Variants in MAPK4 observed in about 807,000 individuals in gnomAD.
MAPK4 encodes mitogen-activated protein kinase 4.
MAPK4 carries 22 observed loss-of-function variants against 47.7 expected under a neutral mutation model. The observed-to-expected ratio is 0.46, with a 90% CI of 0.33 to 0.66. The LOEUF (loss-of-function observed/expected upper bound fraction) is 0.66, where lower values mean the gene tolerates loss of function less well. Among genes scored for constraint, MAPK4 ranks in the 30% least tolerant of loss-of-function variants. MAPK4 has a pLI of 0.02. For missense variants in MAPK4, 736 were observed against 831.7 expected, an observed-to-expected ratio of 0.88 and a Z score of 1.42; for synonymous variants, 390 against 365.7, an observed-to-expected ratio of 1.07 and a Z score of -0.76.
intron 2 of MAPK4, among the ~76,000 whole-genome samples, chr18:50,680,687 G>A (rs971692905): frequency 6.6e-6 from 1 of 152,076 alleles, no homozygotes; most frequent in Non-Finnish European, 1.5e-5. Flanking sequence ...CACAACATGT[G>A]GTCCTTTGTG....
intron 1 of MAPK4, among the ~76,000 whole-genome samples, chr18:50,644,958 G>T (rs2042974578): frequency 6.6e-6 from 1 of 152,188 alleles, no homozygotes. Context: ...ATTCTAAGGG[G>T]ACACTGCTCA....
intron 1 of MAPK4, among the ~76,000 whole-genome samples, chr18:50,655,777 C>G (rs2043103500): frequency 6.6e-6 from 1 of 152,164 alleles, no homozygotes; most frequent in Non-Finnish European, 1.5e-5. Context: ...TGAACCCCTG[C>G]TTTTAGCCCC....
chr18:50,672,500 G>A (rs576098029), intron 2 of MAPK4, among the ~76,000 whole-genome samples: 208 of 152,220 alleles, frequency 1.4e-3, no homozygotes, highest in Middle Eastern at 6.8e-3. Context: ...TTGTGTTGGC[G>A]TTCAGTGCCT....
chr18:50,603,711 A>G (rs750667862), intron 1 of MAPK4, among the ~76,000 whole-genome samples: 1 of 152,198 alleles, frequency 6.6e-6, no homozygotes, highest in Non-Finnish European at 1.5e-5. Context: ...AGCACTTGTT[A>G]AGTATTCATT....
intron 5 of MAPK4, among the ~76,000 whole-genome samples, chr18:50,727,638 G>A (rs1353014333): frequency 3.3e-5 from 5 of 152,048 alleles, no homozygotes; most frequent in Non-Finnish European, 7.4e-5. Flanking sequence ...TACTTTCTGC[G>A]ACTGTGGCAT....
At chr18:50,701,894 G>A (rs1267111502) in intron 2 of MAPK4, among the ~76,000 whole-genome samples, 2 of 152,100 alleles carry the variant, frequency 1.3e-5, no homozygotes, top group Non-Finnish European at 2.9e-5. Context: ...GGTGGCTCAT[G>A]CCTGTAATCC....
chr18:50,572,849 C>T (rs1049678205), intron 1 of MAPK4, among the ~76,000 whole-genome samples: 4 of 152,120 alleles, frequency 2.6e-5, no homozygotes, highest in Admixed American at 6.5e-5. Context: ...ATAATAATCA[C>T]ATTATTATTT....
intron 5 of MAPK4, among the ~76,000 whole-genome samples, chr18:50,726,691 A>C (rs1345793758): frequency 2.0e-5 from 3 of 152,072 alleles, no homozygotes; most frequent in Admixed American, 2.0e-4. Context: ...TGAGGCCAGG[A>C]GTTCCAGACC....
At chr18:50,620,652 C>A (rs2042723554) in intron 1 of MAPK4, among the ~76,000 whole-genome samples, 1 of 152,084 alleles carries the variant, frequency 6.6e-6, no homozygotes, top group Middle Eastern at 3.2e-3. Flanking sequence ...TGCCTATAAT[C>A]CTAACACTTT....
rs534861835 is a variant in MAPK4 at position 50,655,725 on chromosome 18, T to C, written c.-870-7364T>C. ...GTTCTTAACTCGGTGAGGAAACACC[T>C]CTGGTCATTATGCTTTTGGGGGCCT... is the stretch of plus-strand genomic sequence containing the variant. On this transcript the variant is annotated intron_variant, in intron 1 of 5. Transcript: ENST00000400384. Among the ~76,000 whole-genome samples, 624 of 152,266 alleles carry C rather than the reference T, an allele frequency of 4.1e-3. 1 individual carries two copies. Among genetic ancestry groups the C allele is most frequent in the African/African-American group, 0.014 (568 of 41,548 alleles).
intron 1 of MAPK4, among the ~76,000 whole-genome samples, chr18:50,617,927 GTTC>G (rs1007228485): frequency 2.0e-5 from 3 of 152,204 alleles, no homozygotes; most frequent in Admixed American, 6.5e-5. Context: ...CAAATGGTCA[GTTC>G]TTCTTCTTGA....
intron 2 of MAPK4, among the ~76,000 whole-genome samples, chr18:50,707,034 A>G (rs555989637): frequency 6.6e-6 from 1 of 152,364 alleles, no homozygotes; most frequent in East Asian, 1.9e-4. Flanking sequence ...CTTTTTAAAA[A>G]GAAGCCCAAC....
intron 5 of MAPK4, among the ~76,000 whole-genome samples, chr18:50,728,611 A>G (rs138125583): frequency 1.8e-4 from 27 of 152,268 alleles, no homozygotes; most frequent in Admixed American, 3.3e-4. Context: ...TAATTCCCCT[A>G]TGTGACTCTA....
chr18:50,632,756 A>C (rs1423215153), intron 1 of MAPK4, among the ~76,000 whole-genome samples: 1 of 151,714 alleles, frequency 6.6e-6, no homozygotes, highest in Non-Finnish European at 1.5e-5. Flanking sequence ...AGTAGCTGAG[A>C]ATATAGGCAT....
chr18:50,593,189 A>AT (rs980007685), intron 1 of MAPK4, among the ~76,000 whole-genome samples: 6 of 152,080 alleles, frequency 3.9e-5, no homozygotes, highest in Admixed American at 3.9e-4. Context: ...AGTAATTAAG[A>AT]TTTTTTTCCT....
chr18:50,687,756 C>G (rs1908965868), intron 2 of MAPK4, among the ~76,000 whole-genome samples: 1 of 152,158 alleles, frequency 6.6e-6, no homozygotes. Flanking sequence ...AAGCAAAACC[C>G]CCACAGAAAT....
intron 1 of MAPK4, among the ~76,000 whole-genome samples, chr18:50,564,261 TA>T (rs2042179271): frequency 1.3e-5 from 2 of 152,220 alleles, no homozygotes; most frequent in East Asian, 1.9e-4. Flanking sequence ...ATGTGCCCAT[TA>T]TTTTAAGGCA....
rs80102235 is a variant in MAPK4, at chr18:50,679,869, C to G, written c.546+15365C>G. On this transcript the variant is annotated intron_variant, in intron 2 of 5. Coordinates refer to ENST00000400384, the MANE Select transcript of MAPK4 (RefSeq NM_002747.4). ...TCCCTGCCCTCCTTCCTGTGTCCCT[C>G]CTGGTGGCCTCTCCCCGTGCTCTTA... Among the ~76,000 whole-genome samples the G allele has an allele frequency of 9.9e-3, 1,511 of 152,144 alleles. 27 individuals carry two copies. Among genetic ancestry groups the G allele is most frequent in the African/African-American group, 0.035 (1,439 of 41,500 alleles).
intron 1 of MAPK4, among the ~76,000 whole-genome samples, chr18:50,620,648 T>C (rs2042723470): frequency 6.6e-6 from 1 of 152,204 alleles, no homozygotes; most frequent in African/African-American, 2.4e-5. Context: ...CTTGTGCCTA[T>C]AATCCTAACA....
Sources: allele counts gnomAD v4.1 joint callset (sites outside exome capture counted in the v4.1 genomes callset), GRCh38; gene constraint gnomAD v4.1.1; transcripts MANE v1.5; gene names NCBI Gene and HGNC (gene_info 2026-07-23, HGNC 2026-07-21).